Variants in PTPDC1 observed in about 807,000 individuals in gnomAD.
PTPDC1 encodes protein tyrosine phosphatase domain-containing protein 1.
A neutral mutation model predicts 75.3 loss-of-function variants in PTPDC1; 53 were observed. The ratio of observed to expected loss-of-function variants is 0.70; its 90% CI spans 0.56 to 0.88. PTPDC1 has a LOEUF of 0.88. Among genes scored for constraint, PTPDC1 ranks in the 40% least tolerant of loss-of-function variants. PTPDC1 has a pLI of 0.00. For synonymous variants in PTPDC1, 349 were observed against 366.2 expected, an observed-to-expected ratio of 0.95 and a Z score of 0.54; for missense variants, 925 against 998.6, an observed-to-expected ratio of 0.93 and a Z score of 0.99.
chr9:94,033,034 G>C (rs1829757069), intron 1 of PTPDC1, among the ~76,000 whole-genome samples: 1 of 151,782 alleles, frequency 6.6e-6, no homozygotes, highest in Non-Finnish European at 1.5e-5. Context: ...GCTACTTTTT[G>C]TATTTTTTAT....
At chr9:94,088,707 A>T (rs1354722379) in intron 4 of PTPDC1, among the ~76,000 whole-genome samples, 1 of 152,164 alleles carries the variant, frequency 6.6e-6, no homozygotes, top group Non-Finnish European at 1.5e-5. Context: ...TGCTCCCAAA[A>T]TGATGCCCAG....
intron 1 of PTPDC1, among the ~76,000 whole-genome samples, chr9:94,031,786 G>A (rs1023300350): frequency 4.6e-5 from 7 of 152,182 alleles, no homozygotes; most frequent in African/African-American, 1.7e-4. Flanking sequence ...CCTGGGAGGA[G>A]AGGGGGAAAA....
chr9:94,090,979 G>A (rs72621403), intron 4 of PTPDC1, among the ~76,000 whole-genome samples: 7,182 of 152,140 alleles, frequency 0.047, 251 homozygotes, highest in East Asian at 0.15. Flanking sequence ...GGAGATTTTG[G>A]GCTTGAGACA....
At chr9:94,041,143 G>A (rs1191084593) in intron 1 of PTPDC1, among the ~76,000 whole-genome samples, 2 of 152,130 alleles carry the variant, frequency 1.3e-5, no homozygotes, top group Non-Finnish European at 2.9e-5. Context: ...ATGCCAGGAT[G>A]TACAAATCAA....
At chr9:94,035,065 G>T (rs1022386281) in intron 1 of PTPDC1, among the ~76,000 whole-genome samples, 1 of 152,080 alleles carries the variant, frequency 6.6e-6, no homozygotes, top group African/African-American at 2.4e-5. Flanking sequence ...CAACTCTTAG[G>T]TGGAAAAGAT....
chr9:94,082,050 GAGGAGCCCTCGAGCCCAAA>G (rs1826901279), upstream of PTPDC1, among the ~76,000 whole-genome samples: 1 of 152,222 alleles, frequency 6.6e-6, no homozygotes. Flanking sequence ...GCTGAGGCAG[GAGGAGCCCTCGAGCCCAAA>G]AATTTGAGTG....
chr9:94,080,648 A>G (rs141386460), upstream of PTPDC1, among the ~76,000 whole-genome samples: 2 of 152,364 alleles, frequency 1.3e-5, no homozygotes, highest in Non-Finnish European at 1.5e-5. Flanking sequence ...AGAGATTGCT[A>G]CAAAATAACT....
At chr9:94,054,959 G>C (rs1307475696) in intron 1 of PTPDC1, among the ~76,000 whole-genome samples, 1 of 152,208 alleles carries the variant, frequency 6.6e-6, no homozygotes, top group African/African-American at 2.4e-5. Context: ...GTACTGGGCT[G>C]TTTCCCTGTT....
chr9:94,087,901 C>A lies in PTPDC1; in HGVS notation c.487C>A (p.Gln163Lys). 1 of 1,613,076 alleles carries A rather than the reference C, an allele frequency of 6.2e-7. No homozygotes were observed. Among genetic ancestry groups the A allele is most frequent in the Non-Finnish European group, 8.5e-7 (1 of 1,179,076 alleles). The change falls in exon 3 of 9, where the codon CAG becomes AAG. Residue 163 changes from glutamine to lysine, a missense_variant. Physicochemically the swap from Gln to Lys is moderately conservative, Grantham distance 53. Coordinates refer to ENST00000620992, the MANE Select transcript of PTPDC1 (RefSeq NM_001253829.2). ...CCTGGAGAAGTACCACATCATTGAT[C>A]AGTTCCTCAGGTAAATGCTGTATTG... is the stretch of plus-strand genomic sequence containing the variant. ...ELLEKYHIID[Q>K]FLSHGIKTII...
At chr9:94,057,787 A>G (rs1825992526) in intron 1 of PTPDC1, among the ~76,000 whole-genome samples, 1 of 152,228 alleles carries the variant, frequency 6.6e-6, no homozygotes, top group African/African-American at 2.4e-5. Context: ...TGGACTATAA[A>G]TGAATGTTTT....
chr9:94,095,244 T>TGG, intron 4 of PTPDC1, 73 bp from the exon 5 acceptor site: 1 of 1,190,418 alleles, frequency 8.4e-7, no homozygotes, highest in Non-Finnish European at 1.2e-6. Flanking sequence ...TAGATCTGTG[T>TGG]ACTTTTCATT....
chr9:94,039,676 C>T (rs964536452), intron 1 of PTPDC1, among the ~76,000 whole-genome samples: 2 of 152,054 alleles, frequency 1.3e-5, no homozygotes, highest in African/African-American at 2.4e-5. Flanking sequence ...GTTGAGGCTG[C>T]AGTGAGCCAT....
At chr9:94,046,813 T>C (rs1825613570) in intron 1 of PTPDC1, among the ~76,000 whole-genome samples, 1 of 152,170 alleles carries the variant, frequency 6.6e-6, no homozygotes, top group African/African-American at 2.4e-5. Flanking sequence ...TGACTTCCTC[T>C]TTTCCTAATT....
intron 2 of PTPDC1, among the ~76,000 whole-genome samples, chr9:94,067,764 G>A (rs1404051292): frequency 6.6e-6 from 1 of 152,042 alleles, no homozygotes; most frequent in African/African-American, 2.4e-5. Context: ...ACCATGCCTG[G>A]CTAATTTTTG....
chr9:94,061,549 C>T (rs554260491), intron 1 of PTPDC1, among the ~76,000 whole-genome samples: 1 of 152,250 alleles, frequency 6.6e-6, no homozygotes, highest in Non-Finnish European at 1.5e-5. Flanking sequence ...TCGGCCTGGA[C>T]ATTCAGGTTT....
At chr9:94,088,517 C>T (rs912834546) in intron 4 of PTPDC1, among the ~76,000 whole-genome samples, 2 of 152,056 alleles carry the variant, frequency 1.3e-5, no homozygotes, top group African/African-American at 4.8e-5. Context: ...TTACAGTGTG[C>T]CAGTCACTAT....
intron 1 of PTPDC1, among the ~76,000 whole-genome samples, chr9:94,050,286 C>T (rs368768742): frequency 2.0e-5 from 3 of 151,994 alleles, no homozygotes; most frequent in African/African-American, 4.8e-5. Context: ...GGAGGAGAGG[C>T]GCTCTGATTT....
At chr9:94,081,444 T>A (rs775589824), upstream of PTPDC1, among the ~76,000 whole-genome samples, 2 of 152,050 alleles carry the variant, frequency 1.3e-5, no homozygotes, top group Non-Finnish European at 2.9e-5. Flanking sequence ...AGGAAGATTG[T>A]TTGAGCCTAG....
intron 4 of PTPDC1, among the ~76,000 whole-genome samples, chr9:94,088,950 C>CT (rs1827176625): frequency 6.6e-6 from 1 of 152,140 alleles, no homozygotes; most frequent in Admixed American, 6.5e-5. Context: ...CTCTCCAAAG[C>CT]TGAGTAACTA....
Sources: allele counts gnomAD v4.1 joint callset (sites outside exome capture counted in the v4.1 genomes callset), GRCh38; gene constraint gnomAD v4.1.1; transcripts MANE v1.5; gene names NCBI Gene and HGNC (gene_info 2026-07-23, HGNC 2026-07-21).